RNF17: variants seen among roughly 807,000 people sequenced by gnomAD.
RNF17 encodes spermatogenesis associated 23.
Under a neutral mutation model 200.5 loss-of-function variants are expected in RNF17, and 31 were observed. The ratio of observed to expected loss-of-function variants is 0.15; its 90% CI spans 0.12 to 0.21. The LOEUF is 0.21. RNF17 is among the 10% of genes least tolerant of loss of function. The probability of loss-of-function intolerance (pLI) is 1.00; values close to 1 mark genes in which losing one functional copy is unlikely to be tolerated. For missense variants in RNF17, 1,628 were observed against 1,905.1 expected, an observed-to-expected ratio of 0.85 and a Z score of 2.71; for synonymous variants, 606 against 637.8, an observed-to-expected ratio of 0.95 and a Z score of 0.75.
intron 10 of RNF17, among the ~76,000 whole-genome samples, chr13:24,795,357 C>T (rs1178658910): frequency 7.1e-5 from 7 of 98,462 alleles, no homozygotes; most frequent in Non-Finnish European, 1.3e-4. Context: ...TATAAATAAA[C>T]ACACACAAAT....
intron 24 of RNF17, among the ~76,000 whole-genome samples, chr13:24,852,072 C>T (rs544851699): frequency 6.6e-6 from 1 of 151,804 alleles, no homozygotes; most frequent in African/African-American, 2.4e-5. Context: ...AGTTTAAGCA[C>T]CTTTGGTCCA....
At chr13:24,820,210 C>T (rs184910179) in intron 15 of RNF17, among the ~76,000 whole-genome samples, 1 of 151,296 alleles carries the variant, frequency 6.6e-6, no homozygotes, top group Non-Finnish European at 1.5e-5. Context: ...CAGTCTCTGC[C>T]TCCTGGGTTC....
At chr13:24,781,755 A>G (rs1882402670) in intron 5 of RNF17, 89 bp from the exon 6 acceptor site, 4 of 837,400 alleles carry the variant, frequency 4.8e-6, no homozygotes, top group Admixed American at 2.6e-5. Context: ...TGAAGAGTCT[A>G]GAAAGTACCT....
At chr13:24,781,385 G>T (rs763166955) in intron 5 of RNF17, among the ~76,000 whole-genome samples, 1 of 151,904 alleles carries the variant, frequency 6.6e-6, no homozygotes, top group Non-Finnish European at 1.5e-5. Flanking sequence ...TAATCCCAGT[G>T]CTTTGGGAGG....
intron 1 of RNF17, 52 bp downstream of exon 1, chr13:24,764,385 G>T: frequency 6.6e-7 from 1 of 1,515,526 alleles, no homozygotes; most frequent in South Asian, 1.2e-5. Context: ...AGGGAGCGCT[G>T]GGGGCCAGGT....
chr13:24,852,005 C>T (rs1409619500), intron 24 of RNF17, among the ~76,000 whole-genome samples: 1 of 151,992 alleles, frequency 6.6e-6, no homozygotes, highest in Non-Finnish European at 1.5e-5. Context: ...GGATGAGTAG[C>T]AAATAAATAA....
intron 14 of RNF17, 27 bp downstream of exon 14, chr13:24,802,598 T>G: frequency 6.4e-7 from 1 of 1,552,914 alleles, no homozygotes; most frequent in Non-Finnish European, 8.7e-7. Flanking sequence ...AACTTAAATA[T>G]TCTTTGAGAT....
chr13:24,767,746 C>CAAA (rs71186846), intron 2 of RNF17, among the ~76,000 whole-genome samples: 85 of 94,934 alleles, frequency 9.0e-4, no homozygotes, highest in African/African-American at 2.3e-3. Context: ...GACTCCATCT[C>CAAA]AAAAAAAAAA....
intron 18 of RNF17, among the ~76,000 whole-genome samples, chr13:24,836,538 T>C (rs147861172): frequency 0.01 from 1,524 of 152,242 alleles, 38 homozygotes; most frequent in African/African-American, 0.034. Context: ...CTGGAAGGGA[T>C]TGGGGGCCTA....
rs773248265 is a variant in RNF17, at chr13:24,843,972, GTATAA to G, written c.2831+6_2831+10del. On this transcript the variant is annotated splice_donor_variant and splice_donor_5th_base_variant and intron_variant, in intron 20 of 35. Coordinates refer to ENST00000255324, the MANE Select transcript of RNF17 (RefSeq NM_031277.3). LOFTEE classifies it high-confidence loss of function. ...TGTTAACTGAAAACTTACTTAATAGGTATAATATATATATATAATATATAAGGAAA... is the reference window on the plus strand; with the variant it reads ...TGTTAACTGAAAACTTACTTAATAGGTATATATATATAATATATAAGGAAA... 7.3e-6 allele frequency: 7 copies of G among 956,018 alleles called. No individual in the cohort carries two copies. The highest frequency in any genetic ancestry group is 2.7e-5 in the Admixed American group (1 of 36,980). The allele number at this position is 956,018 out of a possible 1,614,324, so 59.2% of individuals were successfully genotyped here. A position where few individuals can be genotyped will look rare whatever the true frequency, so the allele number is the denominator to read the frequency against.
chr13:24,785,475 A>C (rs1309670293), intron 6 of RNF17, among the ~76,000 whole-genome samples: 1 of 152,232 alleles, frequency 6.6e-6, no homozygotes, highest in Non-Finnish European at 1.5e-5. Context: ...TTACTAATAA[A>C]TGTTAATGAA....
chr13:24,874,355 C>G, intron 33 of RNF17, 106 bp downstream of exon 33: 1 of 910,414 alleles, frequency 1.1e-6, no homozygotes, highest in Non-Finnish European at 1.5e-6. Flanking sequence ...TATTCTAAGG[C>G]TGTTTATAAA....
chr13:24,823,112 C>T (rs1888256969), intron 15 of RNF17, among the ~76,000 whole-genome samples: 1 of 152,046 alleles, frequency 6.6e-6, no homozygotes, highest in South Asian at 2.1e-4. Flanking sequence ...CTGGCTCTGT[C>T]ACCCACACTG....
intron 6 of RNF17, among the ~76,000 whole-genome samples, chr13:24,786,530 G>A (rs564725152): frequency 2.0e-5 from 3 of 152,228 alleles, no homozygotes; most frequent in South Asian, 4.1e-4. Flanking sequence ...TTACTGCATA[G>A]CCTTCTTTCA....
intron 10 of RNF17, chr13:24,794,350 C>G: frequency 5.5e-6 from 2 of 363,684 alleles, no homozygotes; most frequent in Middle Eastern, 7.8e-4. Context: ...TCACTGATAA[C>G]TAAAACATAT....
At position 24,850,460 on chromosome 13, in the gene RNF17, GA is replaced by G; in HGVS notation, c.3204+18del. 1 of 1,407,186 alleles carries G rather than the reference GA, an allele frequency of 7.1e-7. No individual in the cohort carries two copies. Among genetic ancestry groups the G allele is most frequent in the Non-Finnish European group, 1.0e-6 (1 of 994,478 alleles). The allele number at this position is 1,407,186 out of a possible 1,614,324, so 87.2% of individuals were successfully genotyped here. A position where few individuals can be genotyped will look rare whatever the true frequency, so the allele number is the denominator to read the frequency against. ...GATAGTGAGGTAACAAGTTACAAGA[GA>G]TATGTGCTGATGATCTCATTAATGT... On this transcript the variant is annotated intron_variant, in intron 23 of 35. Transcript: ENST00000255324.
the RNF17 span, among the ~76,000 whole-genome samples, chr13:24,747,774 C>G: frequency 6.6e-6 from 1 of 152,262 alleles, no homozygotes; most frequent in Non-Finnish European, 1.5e-5. Context: ...CGCAAACGGC[C>G]GGCCTGGCCG....
At chr13:24,838,164 A>G (rs1294014975) in intron 18 of RNF17, among the ~76,000 whole-genome samples, 1 of 152,174 alleles carries the variant, frequency 6.6e-6, no homozygotes. Flanking sequence ...TCCTGAACAG[A>G]CCAATAACAA....
chr13:24,833,147 T>C (rs1566196159), intron 18 of RNF17, among the ~76,000 whole-genome samples: 1 of 152,168 alleles, frequency 6.6e-6, no homozygotes, highest in Non-Finnish European at 1.5e-5. Flanking sequence ...CATGAGACCA[T>C]GTTTACTTAG....
Sources: allele counts gnomAD v4.1 joint callset (sites outside exome capture counted in the v4.1 genomes callset), GRCh38; gene constraint gnomAD v4.1.1; transcripts MANE v1.5; gene names NCBI Gene and HGNC (gene_info 2026-07-23, HGNC 2026-07-21).